ANKRD36: variants seen among roughly 807,000 people sequenced by gnomAD.
ANKRD36 encodes ankyrin repeat domain 36.
A neutral mutation model predicts 278.1 loss-of-function variants in ANKRD36; 179 were observed. The ratio of observed to expected loss-of-function variants is 0.64; its 90% confidence interval spans 0.57 to 0.73. ANKRD36 has a LOEUF of 0.73. Among genes scored for constraint, ANKRD36 ranks in the 30% least tolerant of loss-of-function variants. The probability of loss-of-function intolerance (pLI) is 0.00; values close to 1 mark genes in which losing one functional copy is unlikely to be tolerated. For synonymous variants in ANKRD36, 320 were observed against 641.1 expected (o/e 0.50, Z 7.57); for missense variants, 1,159 against 1,956.7 (o/e 0.59, Z 7.69).
At position 97,191,067 on chromosome 2, in the gene ANKRD36, A is replaced by T. The variant is rs765326009; in HGVS notation, c.2275-42A>T. 2.4e-5 allele frequency: 39 copies of T among 1,593,402 alleles called. 3 individuals are homozygous for T. The South Asian group carries it at 4.2e-4, about 17-fold the overall frequency. On this transcript the variant is annotated intron_variant, in intron 35 of 75. Transcript: ENST00000420699. ...ATCTATAGTCTATGAAATATACTTCATTGATTTATTTATTTATTACTTTCT... is the reference window on the plus strand; with the variant it reads ...ATCTATAGTCTATGAAATATACTTCTTTGATTTATTTATTTATTACTTTCT...
chr2:97,135,411 A>G (rs1409872641), intron 6 of ANKRD36, among the ~76,000 whole-genome samples: 1 of 152,044 alleles, frequency 6.6e-6, no homozygotes, highest in Admixed American at 6.6e-5. Context: ...ATGGTAAAGT[A>G]GATCAATTGT....
intron 6 of ANKRD36, among the ~76,000 whole-genome samples, chr2:97,130,112 G>T (rs1057431094): frequency 5.3e-5 from 8 of 151,956 alleles, no homozygotes; most frequent in Non-Finnish European, 1.0e-4. Context: ...AGCCTGGAAT[G>T]TTCTTCCATT....
chr2:97,204,079 A>G lies in ANKRD36; in HGVS notation c.2971A>G (p.Lys991Glu). 2.5e-6 allele frequency: 4 copies of G among 1,574,330 alleles called. No individual in the cohort carries two copies. Among genetic ancestry groups the G allele is most frequent in the Non-Finnish European group, 3.4e-6 (4 of 1,162,238 alleles). The change falls in exon 49 of 76, where the codon AAA (lysine) becomes GAA (glutamate). Residue 991 changes from lysine (K) to glutamate (E), a missense_variant. Transcript: ENST00000420699. ...GEKSRTVSSE[K>E]PPGLKATSDE... ...CTTTTACTTTTCAGTGTCTTCTGAG[A>G]AACCACCAGGCTTGAAGGTAATGAA...
Position 97,202,400 on chromosome 2 carries a change from T to G in ANKRD36, c.2959+7T>G, listed in dbSNP as rs548001007. On this transcript the variant is annotated splice_region_variant and intron_variant, in intron 48 of 75. Coordinates refer to ENST00000420699, the MANE Select transcript of ANKRD36 (RefSeq NM_001354587.1). The stretch of plus-strand genomic sequence containing the variant: ...GGAGAAAAATCTAGGACAGGTAATT[T>G]TGAAAACAGATTTAATGTCATGTTC... The G allele has an allele frequency of 6.5e-7, 1 of 1,547,358 alleles. No homozygotes were observed. Among genetic ancestry groups the G allele is most frequent in the Non-Finnish European group, 8.7e-7 (1 of 1,148,058 alleles).
intron 56 of ANKRD36, 56 bp downstream of exon 56, chr2:97,209,928 C>A: frequency 6.5e-7 from 1 of 1,533,926 alleles, no homozygotes; most frequent in East Asian, 2.5e-5. Context: ...AAGAAATTCT[C>A]TTCCCTGAAT....
intron 67 of ANKRD36, among the ~76,000 whole-genome samples, chr2:97,228,501 A>G (rs1323073007): frequency 6.6e-6 from 1 of 151,976 alleles, no homozygotes; most frequent in Non-Finnish European, 1.5e-5. Context: ...ATCATTTTGT[A>G]TTGCATCTAT....
chr2:97,248,598 T>TA (rs1373165026), intron 72 of ANKRD36: 1 of 127,662 alleles, frequency 7.8e-6, no homozygotes, highest in Admixed American at 8.1e-5. Flanking sequence ...TTTAAATATT[T>TA]AAAAATGTGC....
Position 97,211,547 on chromosome 2 carries a change from GT to G in ANKRD36, c.3370del (p.Ser1124LeufsTer8). Reference protein sequence around the residue: ...KKDGEKSRTVSSPKQPALKAI... With the variant: ...KKDGEKSRTVXSPKQPALKAI... ...TTATGTATCCCTTTTGCTTTTCAGTGTCTTCTCCGAAACAACCAGCATTGAA... is the reference window on the plus strand; with the variant it reads ...TTATGTATCCCTTTTGCTTTTCAGTGCTTCTCCGAAACAACCAGCATTGAA... On this transcript the variant is annotated frameshift_variant and splice_region_variant, in exon 57 of 76. Transcript: ENST00000420699. LOFTEE classifies it high-confidence loss of function. 6.2e-7 allele frequency: 1 copy of G among 1,606,494 alleles called. No individual in the cohort carries two copies. Among genetic ancestry groups the G allele is most frequent in the Non-Finnish European group, 8.5e-7 (1 of 1,175,182 alleles).
intron 6 of ANKRD36, among the ~76,000 whole-genome samples, chr2:97,138,597 A>G (rs2153442976): frequency 6.6e-6 from 1 of 152,158 alleles, no homozygotes. Flanking sequence ...TAAATTTCAT[A>G]TGGAACCAAA....
rs78953935 is a variant in ANKRD36 at position 97,185,484 on chromosome 2, T to C, written c.2015T>C (p.Ile672Thr). Residue 672 changes from isoleucine (I) to threonine (T), a missense_variant, in exon 30 of 76, where the codon ATA (isoleucine) becomes ACA (threonine). Transcript: ENST00000420699. Reference sequence around the variant, plus strand: ...TCTGCTTTGAATATAGCTACAGAAATAAAGGATGGACTACAGTGTGGGACA... The same window carrying C: ...TCTGCTTTGAATATAGCTACAGAAACAAAGGATGGACTACAGTGTGGGACA... Reference protein sequence around the residue: ...TDSALNIATEIKDGLQCGTVS... With the variant: ...TDSALNIATETKDGLQCGTVS... 10 of 1,610,904 alleles carry C rather than the reference T, an allele frequency of 6.2e-6. No individual in the cohort carries two copies. Among genetic ancestry groups the C allele is most frequent in the African/African-American group, 1.3e-5 (1 of 74,668 alleles).
intron 44 of ANKRD36, among the ~76,000 whole-genome samples, chr2:97,199,796 A>T (rs1297528983): frequency 2.0e-5 from 3 of 151,920 alleles, no homozygotes; most frequent in Non-Finnish European, 4.4e-5. Context: ...CAGCAAACAG[A>T]TATCCAAGGT....
At chr2:97,183,308 A>T (rs1200164968) in intron 26 of ANKRD36, 151 bp from the exon 27 acceptor site, 2 of 1,075,818 alleles carry the variant, frequency 1.9e-6, no homozygotes, top group Non-Finnish European at 2.6e-6. Flanking sequence ...GTATTTCCTC[A>T]TGTTCCCGTC....
At position 97,204,222 on chromosome 2, in the gene ANKRD36, A is replaced by T; in HGVS notation, c.3020A>T (p.Asn1007Ile). 6.3e-7 allele frequency: 1 copy of T among 1,583,352 alleles called. No homozygotes were observed. Among genetic ancestry groups the T allele is most frequent in the Non-Finnish European group, 8.6e-7 (1 of 1,166,884 alleles). Residue 1007 changes from asparagine (N) to isoleucine (I), a missense_variant, in exon 50 of 76, where the codon AAT becomes ATT. Asn to Ile is a moderately radical substitution (Grantham distance 149, BLOSUM62 -3). Coordinates refer to ENST00000420699, the MANE Select transcript of ANKRD36 (RefSeq NM_001354587.1). ...AGTGATGAGAAAGATTCTGTTTTGA[A>T]TATAGCCAGAGGAAAAAAGGATGGA... ...ATSDEKDSVL[N>I]IARGKKDGEK...
intron 66 of ANKRD36, among the ~76,000 whole-genome samples, chr2:97,223,103 T>C (rs1204608138): frequency 6.7e-6 from 1 of 148,942 alleles, no homozygotes; most frequent in Non-Finnish European, 1.5e-5. Flanking sequence ...ATACACTTTT[T>C]TTTTTTTTTT....
At position 97,202,492 on chromosome 2, in the gene ANKRD36, T is replaced by C. The variant is rs955140416; in HGVS notation, c.2959+99T>C. 6 of 1,496,914 alleles carry C rather than the reference T, an allele frequency of 4.0e-6. No homozygotes were observed. In the African/African-American group the frequency reaches 5.7e-5, roughly 14 times the overall value. The allele number at this position is 1,496,914 out of a possible 1,614,324, so 92.7% of individuals were successfully genotyped here. ...CGGGGGGCTCGTCGAAGCTGCACTT[T>C]CTGATTCAGCAGGCTGGAGATTCTT... On this transcript the variant is annotated intron_variant, in intron 48 of 75. Coordinates refer to ENST00000420699, the MANE Select transcript of ANKRD36 (RefSeq NM_001354587.1).
In ANKRD36 at chr2:97,118,420, T is replaced by C. The variant is rs567524923; in HGVS notation, c.389T>C (p.Phe130Ser). The change falls in exon 3 of 76, where the codon TTT (phenylalanine) becomes TCT (serine). Residue 130 changes from phenylalanine (F) to serine (S), a missense_variant. Coordinates refer to ENST00000420699, the MANE Select transcript of ANKRD36 (RefSeq NM_001354587.1). ...GCCAATCCAAATATTACGGATTTCT[T>C]TGGAAGGACTGCTCTGCACTACGCT... ...NGANPNITDFFGRTALHYAVY... is the reference protein window; with the variant it reads ...NGANPNITDFSGRTALHYAVY... 2.2e-5 allele frequency: 36 copies of C among 1,607,338 alleles called. 2 individuals carry two copies. In the South Asian group the frequency reaches 2.8e-4, roughly 12 times the overall value.
At chr2:97,211,766 T>C in intron 58 of ANKRD36, 25 bp downstream of exon 58, 1 of 1,556,076 alleles carries the variant, frequency 6.4e-7, no homozygotes, top group East Asian at 2.4e-5. Context: ...ACATTTAATA[T>C]GATGTTCGGT....
At chr2:97,139,710 C>T (rs946998674) in intron 6 of ANKRD36, among the ~76,000 whole-genome samples, 6 of 152,090 alleles carry the variant, frequency 3.9e-5, no homozygotes, top group Non-Finnish European at 5.9e-5. Flanking sequence ...CTGTATCTCT[C>T]CCATGGCTGT....
intron 68 of ANKRD36, among the ~76,000 whole-genome samples, chr2:97,240,440 C>A (rs201409088): frequency 7.1e-6 from 1 of 139,874 alleles, no homozygotes; most frequent in African/African-American, 2.7e-5. Flanking sequence ...CACTAAATAC[C>A]CAAGAGGGAA....
Sources: gnomAD v4.1 joint callset for allele counts (sites outside exome capture counted in the v4.1 genomes callset) on GRCh38, gnomAD v4.1.1 for gene constraint, MANE v1.5 for transcripts, NCBI Gene and HGNC (gene_info 2026-07-23, HGNC 2026-07-21) for gene names.